FER1L6: variants seen among roughly 807,000 people sequenced by gnomAD.
The protein encoded by FER1L6 is fer-1-like protein 6.
In FER1L6, 177 loss-of-function variants were observed where a neutral mutation model predicts 219.2. The ratio of observed to expected loss-of-function variants is 0.81; its 90% CI spans 0.71 to 0.91. The LOEUF is 0.91. Ranked by LOEUF, FER1L6 falls within the 40% of genes least tolerant of loss-of-function variation. The probability of loss-of-function intolerance (pLI) is 0.00; values close to 1 mark genes in which losing one functional copy is unlikely to be tolerated. For missense variants in FER1L6, 2,153 were observed against 2,259.9 expected, an observed-to-expected ratio of 0.95 and a Z score of 0.96; for synonymous variants, 768 against 824.3, an observed-to-expected ratio of 0.93 and a Z score of 1.17.
intron 1 of FER1L6, among the ~76,000 whole-genome samples, chr8:123,862,916 CT>C (rs1286536205): frequency 2.0e-4 from 30 of 146,386 alleles, no homozygotes; most frequent in Admixed American, 1.7e-3. Context: ...TTTGTTGATC[CT>C]TTCAAAAAAC....
chr8:123,950,218 C>G (rs1159738207), intron 1 of FER1L6, among the ~76,000 whole-genome samples: 1 of 152,160 alleles, frequency 6.6e-6, no homozygotes, highest in Non-Finnish European at 1.5e-5. Context: ...TTTCCTTGCA[C>G]TCTAAATAGC....
At chr8:123,940,048 T>C (rs1227136878) in intron 1 of FER1L6, among the ~76,000 whole-genome samples, 2 of 152,222 alleles carry the variant, frequency 1.3e-5, no homozygotes, top group Non-Finnish European at 2.9e-5. Context: ...TATTCATCAT[T>C]GCCCTGGATT....
intron 33 of FER1L6, among the ~76,000 whole-genome samples, chr8:124,086,826 C>T (rs796156759): frequency 3.9e-5 from 6 of 152,210 alleles, no homozygotes; most frequent in African/African-American, 1.4e-4. Context: ...TTTATTTCTC[C>T]TTCATATTTA....
chr8:123,955,793 G>A (rs1022513822), intron 1 of FER1L6, among the ~76,000 whole-genome samples, 199 bp from the exon 2 acceptor site: 2 of 152,160 alleles, frequency 1.3e-5, no homozygotes, highest in African/African-American at 4.8e-5. Context: ...ATTCGGGTGG[G>A]ATTTTTGTGG....
intron 31 of FER1L6, among the ~76,000 whole-genome samples, chr8:124,075,684 T>A (rs1211778273): frequency 1.3e-5 from 2 of 152,220 alleles, no homozygotes; most frequent in Non-Finnish European, 2.9e-5. Flanking sequence ...GTTTATAGCA[T>A]CACCACAAAC....
intron 1 of FER1L6, among the ~76,000 whole-genome samples, chr8:123,945,921 G>C (rs1242389877): frequency 6.6e-6 from 1 of 152,080 alleles, no homozygotes; most frequent in Non-Finnish European, 1.5e-5. Flanking sequence ...AAATAATTAG[G>C]CTATCACTTT....
At chr8:123,898,757 ACAC>A (rs1586448711) in intron 1 of FER1L6, among the ~76,000 whole-genome samples, 1 of 146,534 alleles carries the variant, frequency 6.8e-6, no homozygotes, top group Non-Finnish European at 1.5e-5. Context: ...TACTATATAT[ACAC>A]ATATATATGT....
At chr8:124,029,702 C>T (rs1436741185) in intron 18 of FER1L6, among the ~76,000 whole-genome samples, 1 of 152,124 alleles carries the variant, frequency 6.6e-6, no homozygotes, top group Non-Finnish European at 1.5e-5. Flanking sequence ...AATTTTATCC[C>T]ATTCTGTAGA....
At chr8:124,043,879 G>C (rs1295332714) in intron 20 of FER1L6, among the ~76,000 whole-genome samples, 1 of 152,164 alleles carries the variant, frequency 6.6e-6, no homozygotes, top group Non-Finnish European at 1.5e-5. Flanking sequence ...TTACTCATGG[G>C]AGCAACTCCA....
chr8:124,031,490 G>GT (rs1818963989), intron 18 of FER1L6, among the ~76,000 whole-genome samples: 1 of 152,176 alleles, frequency 6.6e-6, no homozygotes, highest in East Asian at 1.9e-4. Flanking sequence ...TGGATGTGGA[G>GT]TAGAACCCTC....
chr8:124,027,031 G>A (rs1315297844), intron 18 of FER1L6, among the ~76,000 whole-genome samples: 7 of 152,076 alleles, frequency 4.6e-5, no homozygotes, highest in South Asian at 4.2e-4. Flanking sequence ...CTAGAATGGC[G>A]CCAATCTCCA....
chr8:124,045,324 CA>C (rs1819678923), intron 20 of FER1L6, among the ~76,000 whole-genome samples: 1 of 152,190 alleles, frequency 6.6e-6, no homozygotes, highest in South Asian at 2.1e-4. Context: ...TGGCTCTGGA[CA>C]AGTGAGCCTC....
chr8:123,909,684 T>A lies in FER1L6; in HGVS notation c.-7-46308T>A, dbSNP rs116209542. On this transcript the variant is annotated intron_variant, in intron 1 of 40. Coordinates refer to ENST00000522917, the MANE Select transcript of FER1L6 (RefSeq NM_001039112.2). ...AACCCAAATGGATCACTAACCAGTT[T>A]TATAGCCTAGGGCCAATTATTTCTC... Among the ~76,000 whole-genome samples, 1,515 of 152,290 alleles carry A rather than the reference T, an allele frequency of 9.9e-3. 25 individuals carry two copies. Among genetic ancestry groups the A allele is most frequent in the African/African-American group, 0.034 (1,431 of 41,556 alleles).
intron 39 of FER1L6, among the ~76,000 whole-genome samples, chr8:124,114,281 A>G (rs1823141696): frequency 6.6e-6 from 1 of 152,162 alleles, no homozygotes; most frequent in African/African-American, 2.4e-5. Flanking sequence ...ACCAAATTTT[A>G]GAATTCAGAG....
At chr8:123,994,313 G>A (rs1019735028) in intron 12 of FER1L6, among the ~76,000 whole-genome samples, 1 of 152,178 alleles carries the variant, frequency 6.6e-6, no homozygotes, top group African/African-American at 2.4e-5. Flanking sequence ...TCAAGTCCAT[G>A]CTCTGGCTCT....
At chr8:123,912,704 G>T (rs1259304295) in intron 1 of FER1L6, among the ~76,000 whole-genome samples, 2 of 152,128 alleles carry the variant, frequency 1.3e-5, no homozygotes, top group East Asian at 3.8e-4. Flanking sequence ...GTATTTTAGA[G>T]TCTTGATTCA....
chr8:123,964,583 T>G (rs978302927), intron 3 of FER1L6, among the ~76,000 whole-genome samples: 8 of 152,224 alleles, frequency 5.3e-5, no homozygotes, highest in African/African-American at 1.9e-4. Context: ...TCTACCCTAG[T>G]CTCTGAATAG....
chr8:124,034,159 A>AAG (rs1819098908), intron 18 of FER1L6, among the ~76,000 whole-genome samples: 1 of 150,316 alleles, frequency 6.7e-6, no homozygotes, highest in South Asian at 2.1e-4. Context: ...TAAAAAAAAA[A>AAG]AAGAAGAAGA....
At chr8:124,023,659 TTTCTAG>T (rs2130643889) in intron 18 of FER1L6, 63 bp downstream of exon 18, 1 of 1,552,998 alleles carries the variant, frequency 6.4e-7, no homozygotes, top group Non-Finnish European at 8.8e-7. Context: ...TGGCTCAGAC[TTTCTAG>T]TGTGTGTCCA....
Sources: allele counts gnomAD v4.1 joint callset (sites outside exome capture counted in the v4.1 genomes callset), GRCh38; gene constraint gnomAD v4.1.1; transcripts MANE v1.5; gene names NCBI Gene and HGNC (gene_info 2026-07-23, HGNC 2026-07-21).